Variants in DIAPH3 observed in about 807,000 individuals in gnomAD.
DIAPH3 encodes diaphanous related formin 3, also known as protein diaphanous homolog 3.
In DIAPH3, 117 loss-of-function variants were observed where a neutral mutation model predicts 144.3. The ratio of observed to expected loss-of-function variants is 0.81; its 90% confidence interval spans 0.70 to 0.95. The LOEUF (loss-of-function observed/expected upper bound fraction) is 0.95. Among genes scored for constraint, DIAPH3 ranks in the 40% least tolerant of loss-of-function variants. The pLI is 0.00. For synonymous variants in DIAPH3, 519 were observed against 488.9 expected (o/e 1.06, Z -0.81); for missense variants, 1,421 against 1,412.7 (o/e 1.01, Z -0.09).
chr13:59,864,567 C>T (rs990142497), intron 21 of DIAPH3, among the ~76,000 whole-genome samples: 2 of 151,984 alleles, frequency 1.3e-5, no homozygotes, highest in African/African-American at 2.4e-5. Context: ...CTAGGATTAA[C>T]GTATCAAGAA....
chr13:60,152,853 C>T (rs1594792131), intron 1 of DIAPH3, among the ~76,000 whole-genome samples: 1 of 152,038 alleles, frequency 6.6e-6, no homozygotes, highest in African/African-American at 2.4e-5. Context: ...TTTACCTCAT[C>T]ACTAAACAAA....
intron 23 of DIAPH3, among the ~76,000 whole-genome samples, chr13:59,836,162 C>CA (rs2042034751): frequency 6.6e-6 from 1 of 151,752 alleles, no homozygotes; most frequent in South Asian, 2.1e-4. Context: ...AGTGCTCAGG[C>CA]AAGAAGAATT....
chr13:60,012,988 T>TA, intron 7 of DIAPH3: 2 of 984,824 alleles, frequency 2.0e-6, no homozygotes, highest in South Asian at 9.4e-5. Context: ...CTCAATTATT[T>TA]AAAAAACATA....
intron 27 of DIAPH3, among the ~76,000 whole-genome samples, chr13:59,761,452 G>T (rs138147649): frequency 8.8e-4 from 134 of 152,212 alleles, no homozygotes; most frequent in African/African-American, 3.0e-3. Context: ...ATGTAGAGTG[G>T]TACTTGATTT....
At chr13:59,888,343 A>G (rs1423376502) in intron 20 of DIAPH3, among the ~76,000 whole-genome samples, 1 of 152,066 alleles carries the variant, frequency 6.6e-6, no homozygotes, top group Non-Finnish European at 1.5e-5. Context: ...CAGCACCCTG[A>G]TCATGGAAGT....
At chr13:59,708,916 C>G (rs1437866459) in intron 27 of DIAPH3, among the ~76,000 whole-genome samples, 2 of 151,912 alleles carry the variant, frequency 1.3e-5, no homozygotes, top group Non-Finnish European at 2.9e-5. Context: ...ACCAAAAGAC[C>G]TTTATTCCCA....
intron 27 of DIAPH3, among the ~76,000 whole-genome samples, chr13:59,752,754 T>C (rs2037075585): frequency 2.0e-5 from 3 of 152,182 alleles, no homozygotes; most frequent in Admixed American, 6.5e-5. Flanking sequence ...AAAAAACTCT[T>C]AGCATGTAAG....
At chr13:59,749,093 A>G (rs886956230) in intron 27 of DIAPH3, among the ~76,000 whole-genome samples, 6 of 150,138 alleles carry the variant, frequency 4.0e-5, no homozygotes, top group Admixed American at 1.3e-4. Flanking sequence ...ATGAACCTAT[A>G]GTCCCAGCTA....
intron 27 of DIAPH3, among the ~76,000 whole-genome samples, chr13:59,728,539 T>C (rs1186965296): frequency 6.6e-6 from 1 of 151,992 alleles, no homozygotes; most frequent in East Asian, 1.9e-4. Flanking sequence ...GGGACATAGG[T>C]AGGAGTAAAA....
At chr13:59,906,686 TATAA>T (rs2046759221) in intron 20 of DIAPH3, among the ~76,000 whole-genome samples, 1 of 152,188 alleles carries the variant, frequency 6.6e-6, no homozygotes, top group African/African-American at 2.4e-5. Flanking sequence ...TCAATCTTCC[TATAA>T]ATGTTTGATT....
chr13:60,125,911 C>T (rs1189070631), intron 2 of DIAPH3, among the ~76,000 whole-genome samples: 5 of 151,954 alleles, frequency 3.3e-5, no homozygotes, highest in African/African-American at 1.2e-4. Context: ...CAGAAAGAAA[C>T]ATTGGAAAGG....
chr13:59,906,415 T>C (rs1297987038), intron 20 of DIAPH3, among the ~76,000 whole-genome samples: 1 of 152,170 alleles, frequency 6.6e-6, no homozygotes, highest in Admixed American at 6.5e-5. Context: ...TGATCATTTG[T>C]GTGGAATGAA....
At chr13:59,823,060 C>T (rs957605903) in intron 24 of DIAPH3, among the ~76,000 whole-genome samples, 1 of 151,922 alleles carries the variant, frequency 6.6e-6, no homozygotes, top group African/African-American at 2.4e-5. Context: ...TAGGCATTAC[C>T]TTTTGCTACG....
intron 27 of DIAPH3, among the ~76,000 whole-genome samples, chr13:59,716,784 G>A (rs1311888281): frequency 6.6e-6 from 1 of 151,948 alleles, no homozygotes; most frequent in Non-Finnish European, 1.5e-5. Context: ...ACATATAATG[G>A]GTGGGTCTGA....
intron 27 of DIAPH3, among the ~76,000 whole-genome samples, chr13:59,690,549 C>A (rs755389594): frequency 6.6e-6 from 1 of 152,126 alleles, no homozygotes; most frequent in Non-Finnish European, 1.5e-5. Context: ...TTTTTCATTA[C>A]AACTGCATAG....
chr13:59,898,065 G>C (rs1340135478), intron 20 of DIAPH3, among the ~76,000 whole-genome samples: 1 of 145,904 alleles, frequency 6.9e-6, no homozygotes, highest in African/African-American at 2.5e-5. Flanking sequence ...ACCTGGGGAG[G>C]CAGAGGCTGC....
intron 27 of DIAPH3, among the ~76,000 whole-genome samples, chr13:59,771,037 T>C (rs553352946): frequency 6.6e-6 from 1 of 152,282 alleles, no homozygotes; most frequent in East Asian, 1.9e-4. Context: ...GATGTCTGCT[T>C]CTGAAGTCCA....
intron 27 of DIAPH3, among the ~76,000 whole-genome samples, chr13:59,753,730 T>C (rs1420194644): frequency 2.0e-5 from 3 of 152,230 alleles, no homozygotes; most frequent in East Asian, 1.9e-4. Context: ...TTTAGGATAA[T>C]AGAAGCAGAA....
chr13:59,706,660 A>G (rs1272319975), intron 27 of DIAPH3, among the ~76,000 whole-genome samples: 1 of 152,188 alleles, frequency 6.6e-6, no homozygotes, highest in Non-Finnish European at 1.5e-5. Context: ...TAACCCATAC[A>G]TAAGCTACCA....
Sources: gnomAD v4.1 joint callset for allele counts (sites outside exome capture counted in the v4.1 genomes callset) on GRCh38, gnomAD v4.1.1 for gene constraint, MANE v1.5 for transcripts, NCBI Gene and HGNC (gene_info 2026-07-23, HGNC 2026-07-21) for gene names.